CDC5L: variants seen among roughly 807,000 people sequenced by gnomAD.
The protein encoded by CDC5L is cell division cycle 5 like, also known as cell division cycle 5-like protein.
A neutral mutation model predicts 104.1 loss-of-function variants in CDC5L; 18 were observed. The observed-to-expected ratio is 0.17, with a 90% CI of 0.12 to 0.26. The LOEUF (loss-of-function observed/expected upper bound fraction) is 0.26. CDC5L is among the 10% of genes least tolerant of loss of function. The probability of loss-of-function intolerance (pLI) is 1.00; values close to 1 mark genes in which losing one functional copy is unlikely to be tolerated. For synonymous variants in CDC5L, 331 were observed against 322.7 expected (o/e 1.03, Z -0.28); for missense variants, 673 against 956.9 (o/e 0.70, Z 3.91).
At chr6:44,443,475 A>C (rs570060028) in intron 14 of CDC5L, among the ~76,000 whole-genome samples, 1 of 151,864 alleles carries the variant, frequency 6.6e-6, no homozygotes, top group African/African-American at 2.4e-5. Context: ...CTGATAATGC[A>C]TAAGTTGTTC....
chr6:44,414,276 C>T (rs1791802412), intron 8 of CDC5L, among the ~76,000 whole-genome samples: 1 of 151,846 alleles, frequency 6.6e-6, no homozygotes, highest in South Asian at 2.1e-4. Context: ...TGGGATCTCA[C>T]TATGTTGTCC....
In CDC5L at chr6:44,450,108, C is replaced by T. The variant is rs1447546590; in HGVS notation, c.*3397C>T. On this transcript the variant is annotated 3_prime_UTR_variant, in exon 16 of 16. Coordinates refer to ENST00000371477, the MANE Select transcript of CDC5L (RefSeq NM_001253.4). ...TGAATTCCTGACCTCAGGTGATCCACCTACCTCGGCCTCCCAAAGTGCTAG... is the reference window on the plus strand; with the variant it reads ...TGAATTCCTGACCTCAGGTGATCCATCTACCTCGGCCTCCCAAAGTGCTAG... 6.6e-6 allele frequency: 1 copy of T among 152,188 alleles called. No individual in the cohort carries two copies. The highest frequency in any genetic ancestry group is 1.5e-5 in the Non-Finnish European group (1 of 68,040). The allele number at this position is 152,188 out of a possible 1,614,324, so 9.4% of individuals were successfully genotyped here. A position where few individuals can be genotyped will look rare whatever the true frequency, so the allele number is the denominator to read the frequency against.
At chr6:44,407,601 G>C (rs1791432266) in intron 7 of CDC5L, among the ~76,000 whole-genome samples, 1 of 152,104 alleles carries the variant, frequency 6.6e-6, no homozygotes, top group Admixed American at 6.5e-5. Context: ...CAAAGTGCTG[G>C]GATTATAGGC....
At chr6:44,440,177 G>A (rs893245347) in intron 14 of CDC5L, among the ~76,000 whole-genome samples, 6 of 151,136 alleles carry the variant, frequency 4.0e-5, no homozygotes, top group Admixed American at 2.6e-4. Flanking sequence ...TCCATCTCAT[G>A]TTTGTAAGGC....
chr6:44,425,324 G>A (rs1792371287), intron 11 of CDC5L, among the ~76,000 whole-genome samples: 1 of 152,096 alleles, frequency 6.6e-6, no homozygotes, highest in Non-Finnish European at 1.5e-5. Context: ...TCCAGAATCT[G>A]AAAAAATCAG....
At chr6:44,389,284 T>G (rs1460918335) in intron 1 of CDC5L, among the ~76,000 whole-genome samples, 1 of 152,100 alleles carries the variant, frequency 6.6e-6, no homozygotes, top group Non-Finnish European at 1.5e-5. Context: ...GGAGAAGAGA[T>G]GACTTCTGAG....
intron 7 of CDC5L, among the ~76,000 whole-genome samples, chr6:44,406,932 A>C (rs78168248): frequency 6.6e-6 from 1 of 151,032 alleles, no homozygotes; most frequent in Admixed American, 6.6e-5. Flanking sequence ...CAACAATAAC[A>C]AAAAAAAACA....
At chr6:44,391,788 C>G (rs1233186968) in intron 2 of CDC5L, among the ~76,000 whole-genome samples, 1 of 151,632 alleles carries the variant, frequency 6.6e-6, no homozygotes, top group Non-Finnish European at 1.5e-5. Context: ...CTGGGATCAC[C>G]TGAGGTCAGG....
At chr6:44,422,511 C>A in intron 9 of CDC5L, 136 bp from the exon 10 acceptor site, 2 of 624,720 alleles carry the variant, frequency 3.2e-6, no homozygotes, top group Non-Finnish European at 5.3e-6. Context: ...CTAACAAAAC[C>A]AGCTGGACAG....
At chr6:44,412,703 A>G (rs1230342926) in intron 8 of CDC5L, among the ~76,000 whole-genome samples, 7 of 151,286 alleles carry the variant, frequency 4.6e-5, no homozygotes, top group African/African-American at 1.7e-4. Context: ...TTGAGATACC[A>G]TTCTTACAGA....
rs1234004005 is a variant in CDC5L, at chr6:44,447,578, G to C, written c.*867G>C. On this transcript the variant is annotated 3_prime_UTR_variant, in exon 16 of 16. Transcript: ENST00000371477. ...TTGGCTACAAGCTCATTATAGACTA[G>C]CAATGTTTTGACATCACCAAAAACG... 1 of 152,104 alleles carries C rather than the reference G, an allele frequency of 6.6e-6. No homozygotes were observed. Among genetic ancestry groups the C allele is most frequent in the African/African-American group, 2.4e-5 (1 of 41,400 alleles). The allele number at this position is 152,104 out of a possible 1,614,324, so 9.4% of individuals were successfully genotyped here. A position where few individuals can be genotyped will look rare whatever the true frequency, so the allele number is the denominator to read the frequency against.
chr6:44,388,020 C>T, intron 1 of CDC5L, 152 bp downstream of exon 1: 2 of 670,924 alleles, frequency 3.0e-6, no homozygotes, highest in Non-Finnish European at 5.0e-6. Context: ...TTCCGTGTGT[C>T]TGGCCCCGTG....
chr6:44,392,598 A>G (rs1405437843), intron 2 of CDC5L, 69 bp from the exon 3 acceptor site: 2 of 1,349,942 alleles, frequency 1.5e-6, no homozygotes, highest in Admixed American at 3.9e-5. Flanking sequence ...AAGTCAGTGT[A>G]TCCATTGTGC....
rs145364541 is a variant in CDC5L, at chr6:44,422,705, G to C, written c.1300G>C (p.Val434Leu). ...CCGGAGTGGAACAACTCCCAAACCA[G>C]TTATTAACTCTACTCCGGGTAGAAC... The part of the protein sequence containing the change: ...TPRSGTTPKP[V>L]INSTPGRTPL... The change falls in exon 10 of 16, where the codon GTT becomes CTT. Residue 434 changes from valine (V) to leucine (L), a missense_variant. Physicochemically the swap from Val to Leu is conservative, Grantham distance 32. This residue lies in a region of CDC5L where 578 missense variants were observed against 737.0 expected (regional missense o/e 0.78). Transcript: ENST00000371477. 6.2e-7 allele frequency: 1 copy of C among 1,613,168 alleles called. No homozygotes were observed.
chr6:44,448,452 C>T lies in CDC5L; in HGVS notation c.*1741C>T, dbSNP rs1021867452. On this transcript the variant is annotated 3_prime_UTR_variant, in exon 16 of 16. Transcript: ENST00000371477. ...CTCACCAGGCTGGAGATAGGGAAGC[C>T]AGTCCAATTAGGAGCCTGATGCAGT... 1 of 152,172 alleles carries T rather than the reference C, an allele frequency of 6.6e-6. No homozygotes were observed. Among genetic ancestry groups the T allele is most frequent in the Non-Finnish European group, 1.5e-5 (1 of 68,036 alleles). 9.4% of individuals were successfully genotyped at this position (152,172 alleles called of 1,614,324 possible).
At position 44,403,930 on chromosome 6, in the gene CDC5L, G is replaced by T; in HGVS notation, c.661G>T (p.Ala221Ser). 1 of 1,613,676 alleles carries T rather than the reference G, an allele frequency of 6.2e-7. No homozygotes were observed. The change falls in exon 6 of 16, where the codon GCC (alanine) becomes TCC (serine). Residue 221 changes from alanine (A) to serine (S), a missense_variant. Physicochemically the swap from Ala to Ser is moderately conservative, Grantham distance 99. Around this residue, in one of 4 missense-constraint regions of CDC5L, gnomAD observed 578 missense variants for 737.0 expected, o/e 0.78. Transcript: ENST00000371477. ...NAEIPFEKKPALGFYDTSEEN... is the reference protein window; with the variant it reads ...NAEIPFEKKPSLGFYDTSEEN... ...CGAAATCCCATTTGAAAAAAAGCCT[G>T]CCCTTGGTTTTTATGATACTTCTGA... is the stretch of plus-strand genomic sequence containing the variant.
At chr6:44,426,810 C>T (rs1792443034) in intron 13 of CDC5L, 86 bp downstream of exon 13, 1 of 1,326,058 alleles carries the variant, frequency 7.5e-7, no homozygotes, top group African/African-American at 1.5e-5. Flanking sequence ...ACTTATTTTT[C>T]CCTGTTGGTA....
At chr6:44,419,381 G>T in intron 8 of CDC5L, 68 bp from the exon 9 acceptor site, 1 of 1,462,060 alleles carries the variant, frequency 6.8e-7, no homozygotes, top group South Asian at 1.2e-5. Flanking sequence ...TGGTATAGTA[G>T]GACCAGAAGA....
intron 8 of CDC5L, among the ~76,000 whole-genome samples, chr6:44,410,533 CT>C (rs1466836085): frequency 1.8e-4 from 27 of 152,162 alleles, no homozygotes; most frequent in African/African-American, 6.0e-4. Context: ...CTAATCTACC[CT>C]CTTGGTTGAT....
Sources: gnomAD v4.1 joint callset for allele counts (sites outside exome capture counted in the v4.1 genomes callset) on GRCh38, gnomAD v4.1.1 for gene constraint, gnomAD v4.1.1 regional missense constraint, MANE v1.5 for transcripts, NCBI Gene and HGNC (gene_info 2026-07-23, HGNC 2026-07-21) for gene names.